The following ERCC6L2 variants were observed in gnomAD, a reference collection of about 807,000 sequenced individuals.
ERCC6L2 encodes the protein DNA excision repair protein ERCC-6-like 2.
A neutral mutation model predicts 132.0 loss-of-function variants in ERCC6L2; 77 were observed. The ratio of observed to expected loss-of-function variants is 0.58; its 90% CI spans 0.49 to 0.71. The LOEUF (loss-of-function observed/expected upper bound fraction) is 0.71. Among genes scored for constraint, ERCC6L2 ranks in the 30% least tolerant of loss-of-function variants. The pLI, the probability that ERCC6L2 is intolerant of heterozygous loss-of-function variation, is 0.00. For synonymous variants in ERCC6L2, 583 were observed against 632.4 expected (o/e 0.92, Z 1.17); for missense variants, 1,542 against 1,837.6 (o/e 0.84, Z 2.94).
At chr9:96,032,572 TG>T (rs1247454535) in intron 19 of ERCC6L2, among the ~76,000 whole-genome samples, 1 of 152,150 alleles carries the variant, frequency 6.6e-6, no homozygotes, top group Non-Finnish European at 1.5e-5. Context: ...TCCGCTTTGG[TG>T]GGTGTCCTCC....
At chr9:95,949,959 A>T (rs969675382) in intron 12 of ERCC6L2, among the ~76,000 whole-genome samples, 2 of 151,486 alleles carry the variant, frequency 1.3e-5, no homozygotes, top group Non-Finnish European at 2.9e-5. Flanking sequence ...GTGAGCCGAG[A>T]TGCCGAGATT....
At chr9:95,901,901 A>G (rs1459189051) in intron 3 of ERCC6L2, among the ~76,000 whole-genome samples, 1 of 152,222 alleles carries the variant, frequency 6.6e-6, no homozygotes, top group African/African-American at 2.4e-5. Flanking sequence ...ATAAATTTGT[A>G]TTGGTTCATT....
At chr9:96,030,504 T>G (rs1834442476) in intron 19 of ERCC6L2, among the ~76,000 whole-genome samples, 1 of 152,002 alleles carries the variant, frequency 6.6e-6, no homozygotes, top group South Asian at 2.1e-4. Context: ...TAGACTATCC[T>G]GGCTAACACG....
intron 9 of ERCC6L2, among the ~76,000 whole-genome samples, chr9:95,927,223 G>A (rs1830138354): frequency 6.6e-6 from 1 of 152,026 alleles, no homozygotes; most frequent in Admixed American, 6.6e-5. Context: ...AGAGGTCAAA[G>A]TTAGCACAAT....
chr9:95,998,124 A>G lies in ERCC6L2; in HGVS notation c.3493-6396A>G, dbSNP rs537511365. On this transcript the variant is annotated intron_variant, in intron 17 of 18. Transcript: ENST00000653738. ...TTTCTGGCCATATACACCTTTAAGA[A>G]CATGATTAAAGCCATGGGCTCTTTT... Among the ~76,000 whole-genome samples, 3 of 152,234 alleles carry G rather than the reference A, an allele frequency of 2.0e-5. No individual in the cohort carries two copies. In the East Asian group the frequency reaches 5.8e-4, roughly 29 times the overall value.
chr9:95,889,157 A>G (rs867191991), intron 2 of ERCC6L2, among the ~76,000 whole-genome samples: 2 of 152,306 alleles, frequency 1.3e-5, no homozygotes, highest in African/African-American at 4.8e-5. Flanking sequence ...TATCTTCCAA[A>G]GATCTGAGAT....
intron 6 of ERCC6L2, among the ~76,000 whole-genome samples, chr9:95,917,738 T>G (rs1361722401): frequency 6.6e-6 from 1 of 152,216 alleles, no homozygotes. Context: ...TATTTGTGAC[T>G]TGCAGCACCT....
At chr9:96,026,709 C>T (rs896297337) in intron 19 of ERCC6L2, among the ~76,000 whole-genome samples, 3 of 147,586 alleles carry the variant, frequency 2.0e-5, no homozygotes, top group Admixed American at 6.7e-5. Flanking sequence ...AAACGCCACA[C>T]ACACCCCACA....
chr9:96,037,001 C>T (rs1404512998), intron 19 of ERCC6L2, among the ~76,000 whole-genome samples: 3 of 151,780 alleles, frequency 2.0e-5, no homozygotes, highest in African/African-American at 7.3e-5. Flanking sequence ...CTCCTGACCT[C>T]GTGATCCGCC....
In ERCC6L2 at chr9:95,975,512, G is replaced by T. The variant is rs551039611; in HGVS notation, c.3337+2424G>T. ...TTGCCTCTCCCTGGATGCCCAGGGG[G>T]TTTTTTTCTTTTCATTGTTGTCCAA... On this transcript the variant is annotated intron_variant, in intron 16 of 18. Coordinates refer to ENST00000653738, the MANE Select transcript of ERCC6L2 (RefSeq NM_020207.7). 2.7e-3 allele frequency among the ~76,000 whole-genome samples: 409 copies of T among 149,262 alleles called. 1 individual carries two copies. Among genetic ancestry groups the T allele is most frequent in the African/African-American group, 8.5e-3 (346 of 40,840 alleles).
At chr9:95,945,598 A>G (rs1009549034) in intron 12 of ERCC6L2, among the ~76,000 whole-genome samples, 7 of 152,234 alleles carry the variant, frequency 4.6e-5, no homozygotes, top group Non-Finnish European at 8.8e-5. Context: ...TGAAGTAAAG[A>G]CAGGCGTAAG....
rs372504963 is a variant in ERCC6L2 at position 95,991,753 on chromosome 9, G to A, written c.3493-12767G>A. On this transcript the variant is annotated intron_variant, in intron 17 of 18. Coordinates refer to ENST00000653738, the MANE Select transcript of ERCC6L2 (RefSeq NM_020207.7). ...TAACGTGGTATAATTAAATGTGTCC[G>A]TGTTTTGAAGATCTGTATAACTCTA... Among the ~76,000 whole-genome samples, 16 of 152,274 alleles carry A rather than the reference G, an allele frequency of 1.1e-4. No individual in the cohort carries two copies. In the South Asian group the frequency reaches 2.9e-3, roughly 28 times the overall value.
Position 95,978,106 on chromosome 9 carries a change from T to C in ERCC6L2, c.3383T>C (p.Ile1128Thr), listed in dbSNP as rs1411909974. Residue 1128 changes from isoleucine (I) to threonine (T), a missense_variant, in exon 17 of 19, where the codon ATT (isoleucine) becomes ACT (threonine). Physicochemically the swap from Ile to Thr is moderately conservative, Grantham distance 89. This residue lies in a region of ERCC6L2 where 442 missense variants were observed against 583.4 expected (regional missense o/e 0.76). Transcript: ENST00000653738. ...VAYIHSNQNVIGSSKAENHMS... is the reference protein window; with the variant it reads ...VAYIHSNQNVTGSSKAENHMS... ...TATATTCACTCAAACCAGAATGTAA[T>C]TGGATCGAGCAAAGCTGAAAATCAC... The C allele has an allele frequency of 1.5e-6, 2 of 1,367,302 alleles. No homozygotes were observed. Among genetic ancestry groups the C allele is most frequent in the East Asian group, 9.1e-5 (2 of 21,998 alleles). The allele number at this position is 1,367,302 out of a possible 1,614,324, so 84.7% of individuals were successfully genotyped here.
At chr9:96,030,662 ACTGCACTCCAGC>A (rs1326378962) in intron 19 of ERCC6L2, among the ~76,000 whole-genome samples, 17 of 146,236 alleles carry the variant, frequency 1.2e-4, no homozygotes, top group African/African-American at 2.0e-4. Flanking sequence ...AGATTGCGCC[ACTGCACTCCAGC>A]CTGGGCGACA....
At chr9:95,979,310 G>A (rs1832797474) in intron 17 of ERCC6L2, among the ~76,000 whole-genome samples, 1 of 152,180 alleles carries the variant, frequency 6.6e-6, no homozygotes, top group South Asian at 2.1e-4. Flanking sequence ...TGGCTATCCT[G>A]GACAGGGGAC....
At chr9:96,022,838 A>G (rs955924669), downstream of ERCC6L2, among the ~76,000 whole-genome samples, 15 of 152,202 alleles carry the variant, frequency 9.9e-5, no homozygotes, top group African/African-American at 3.6e-4. Context: ...CGCCCCCCAC[A>G]GCCGCCTCTG....
intron 2 of ERCC6L2, among the ~76,000 whole-genome samples, chr9:95,886,938 T>C (rs1309454595): frequency 3.3e-5 from 5 of 152,366 alleles, no homozygotes; most frequent in Non-Finnish European, 7.3e-5. Context: ...TCTCCCATGC[T>C]GGATGCTTCC....
chr9:96,030,832 A>C (rs531024624), intron 19 of ERCC6L2, among the ~76,000 whole-genome samples: 2 of 151,958 alleles, frequency 1.3e-5, no homozygotes, highest in East Asian at 3.9e-4. Flanking sequence ...AGCCCAGGGC[A>C]CACCTCATGT....
At position 95,966,598 on chromosome 9, in the gene ERCC6L2, A is replaced by G. The variant is rs1832169449; in HGVS notation, c.1984A>G (p.Lys662Glu). 1 of 1,529,886 alleles carries G rather than the reference A, an allele frequency of 6.5e-7. No homozygotes were observed. The highest frequency in any genetic ancestry group is 8.9e-7 in the Non-Finnish European group (1 of 1,121,836). The allele number at this position is 1,529,886 out of a possible 1,614,324, so 94.8% of individuals were successfully genotyped here. The change falls in exon 14 of 19, where the codon AAA (lysine) becomes GAA (glutamate). Residue 662 changes from lysine to glutamate, a missense_variant. Physicochemically the swap from Lys to Glu is moderately conservative, Grantham distance 56 (BLOSUM62 1). This residue lies in a region of ERCC6L2 where 945 missense variants were observed against 1,105.2 expected (regional missense o/e 0.86). Coordinates refer to ENST00000653738, the MANE Select transcript of ERCC6L2 (RefSeq NM_020207.7). ...TGTGGTGGTTGGAAGTGAAAATGCC[A>G]AACGATATTTTGAAGCAGTTCAAGG... The part of the protein sequence containing the change: ...HCVVVGSENA[K>E]RYFEAVQGSK...
Sources: allele counts gnomAD v4.1 joint callset (sites outside exome capture counted in the v4.1 genomes callset), GRCh38; gene constraint gnomAD v4.1.1; regional missense constraint gnomAD v4.1.1; transcripts MANE v1.5; gene names NCBI Gene and HGNC (gene_info 2026-07-23, HGNC 2026-07-21).